KLF8: variants seen among roughly 807,000 people sequenced by gnomAD.
The protein encoded by KLF8 is KLF transcription factor 8, also known as Krueppel-like factor 8.
In KLF8, 10 loss-of-function variants were observed where a neutral mutation model predicts 18.2. The observed-to-expected ratio is 0.55, with a 90% CI of 0.34 to 0.93. KLF8 has a LOEUF of 0.93. Ranked by LOEUF, KLF8 falls within the 40% of genes least tolerant of loss-of-function variation. The pLI is 0.02. For synonymous variants in KLF8, 109 were observed against 97.3 expected, an observed-to-expected ratio of 1.12 and a Z score of -0.71; for missense variants, 264 against 277.9, an observed-to-expected ratio of 0.95 and a Z score of 0.36.
the KLF8 span, among the ~76,000 whole-genome samples, chrX:56,093,905 ATGTG>A: frequency 0.077 from 6,797 of 88,817 alleles, 197 homozygotes; most frequent in African/African-American, 0.11. Flanking sequence ...TATATATTAT[ATGTG>A]TGTGTGTGTG....
chrX:56,046,898 G>T, the KLF8 span, among the ~76,000 whole-genome samples: 1 of 111,136 alleles, frequency 9.0e-6, no homozygotes, highest in Non-Finnish European at 1.9e-5. Flanking sequence ...CTTTTATTTG[G>T]CTGTCTAGAT....
chrX:56,008,110 G>A, the KLF8 span, among the ~76,000 whole-genome samples: 5 of 101,276 alleles, frequency 4.9e-5, no homozygotes, highest in Non-Finnish European at 5.7e-5. Context: ...AATTTTATTA[G>A]TGCAAAGCTA....
At chrX:56,245,374 G>C (rs2066609246) in intron 1 of KLF8, among the ~76,000 whole-genome samples, 1 of 111,763 alleles carries the variant, frequency 8.9e-6, no homozygotes, top group Admixed American at 9.5e-5. Flanking sequence ...GTTCACTTTT[G>C]TAAGACAAGC....
At chrX:56,177,834 G>T in the KLF8 span, among the ~76,000 whole-genome samples, 1 of 111,812 alleles carries the variant, frequency 8.9e-6, no homozygotes, top group Non-Finnish European at 1.9e-5. Flanking sequence ...CTGCCACCTT[G>T]CAGTTTGATC....
the KLF8 span, among the ~76,000 whole-genome samples, chrX:56,161,759 T>G: frequency 8.9e-5 from 10 of 112,212 alleles, no homozygotes; most frequent in African/African-American, 1.3e-4. Flanking sequence ...TGAAGCCTTC[T>G]GCTCTCAACT....
the KLF8 span, among the ~76,000 whole-genome samples, chrX:55,973,667 T>A: frequency 9.0e-6 from 1 of 110,510 alleles, no homozygotes; most frequent in South Asian, 3.7e-4. Context: ...CCAGTCAGAA[T>A]GGCTATTTAA....
chrX:56,187,416 G>T, the KLF8 span, among the ~76,000 whole-genome samples: 1 of 111,544 alleles, frequency 9.0e-6, no homozygotes, highest in Non-Finnish European at 1.9e-5. Flanking sequence ...ACGACCAGAT[G>T]AATTCACAGC....
At chrX:55,985,160 C>G in the KLF8 span, among the ~76,000 whole-genome samples, 1 of 111,006 alleles carries the variant, frequency 9.0e-6, no homozygotes, top group Non-Finnish European at 1.9e-5. Flanking sequence ...TTGCTTTTGT[C>G]GCAATTGCTC....
At chrX:56,025,093 T>C in the KLF8 span, among the ~76,000 whole-genome samples, 1 of 112,270 alleles carries the variant, frequency 8.9e-6, no homozygotes, top group Non-Finnish European at 1.9e-5. Context: ...CCCATGGCCA[T>C]TGATCTCCTG....
the KLF8 span, among the ~76,000 whole-genome samples, chrX:56,046,448 C>T: frequency 1.8e-5 from 2 of 110,854 alleles, no homozygotes; most frequent in Non-Finnish European, 1.9e-5. Context: ...ATTCATTGTG[C>T]TATTTGTTGT....
chrX:55,938,636 C>T, the KLF8 span, among the ~76,000 whole-genome samples: 12 of 110,776 alleles, frequency 1.1e-4, 1 homozygote, highest in East Asian at 2.8e-3. Flanking sequence ...ACCCATCTCA[C>T]GTGCAGAGAC....
the KLF8 span, among the ~76,000 whole-genome samples, chrX:55,997,993 A>G: frequency 8.9e-6 from 1 of 111,816 alleles, no homozygotes; most frequent in Non-Finnish European, 1.9e-5. Flanking sequence ...CAGGGTCACA[A>G]GACAATAGTG....
intron 5 of KLF8, among the ~76,000 whole-genome samples, chrX:56,272,528 G>A (rs888692978): frequency 9.0e-6 from 1 of 111,140 alleles, no homozygotes. Flanking sequence ...GTTTAGATTC[G>A]GAATTGTTCT....
chrX:56,154,512 C>T, the KLF8 span, among the ~76,000 whole-genome samples: 2 of 111,800 alleles, frequency 1.8e-5, no homozygotes, highest in Admixed American at 9.5e-5. Context: ...TTGAAGAAAA[C>T]CTAGGCATTA....
the KLF8 span, among the ~76,000 whole-genome samples, chrX:56,001,471 T>C: frequency 2.7e-5 from 3 of 112,208 alleles, no homozygotes; most frequent in Non-Finnish European, 3.8e-5. Flanking sequence ...AACTTTATTA[T>C]TTCTCCCTTT....
chrX:55,975,547 G>T, the KLF8 span, among the ~76,000 whole-genome samples: 1 of 111,766 alleles, frequency 8.9e-6, no homozygotes. Context: ...CACTTTGTGT[G>T]TTTGCATGAA....
the KLF8 span, among the ~76,000 whole-genome samples, chrX:55,921,921 TC>T: frequency 8.9e-6 from 1 of 112,172 alleles, no homozygotes; most frequent in Non-Finnish European, 1.9e-5. Context: ...TGAGATAACA[TC>T]TCATGCCAGT....
chrX:56,134,210 A>G, the KLF8 span, among the ~76,000 whole-genome samples: 1 of 111,847 alleles, frequency 8.9e-6, no homozygotes, highest in Non-Finnish European at 1.9e-5. Context: ...GCATAGCCAA[A>G]GTAAAACTAA....
chrX:56,029,819 G>A, the KLF8 span, among the ~76,000 whole-genome samples: 5 of 111,699 alleles, frequency 4.5e-5, no homozygotes, highest in African/African-American at 1.3e-4. Flanking sequence ...CTGTCCCTTC[G>A]TGGGGATTCC....
Sources: allele counts gnomAD v4.1 joint callset (sites outside exome capture counted in the v4.1 genomes callset), GRCh38; gene constraint gnomAD v4.1.1; transcripts MANE v1.5; gene names NCBI Gene and HGNC (gene_info 2026-07-23, HGNC 2026-07-21).